ARHGAP15: variants seen among roughly 807,000 people sequenced by gnomAD.
The protein encoded by ARHGAP15 is Rho GTPase activating protein 15, also known as rho GTPase-activating protein 15.
ARHGAP15 carries 51 observed loss-of-function variants against 63.7 expected under a neutral mutation model. That is an observed-to-expected ratio of 0.80 (90% CI 0.64 to 1.01). The LOEUF is 1.01. Ranked by LOEUF, ARHGAP15 falls within the 50% of genes least tolerant of loss-of-function variation. The pLI is 0.00. For missense variants in ARHGAP15, 560 were observed against 564.6 expected (o/e 0.99, Z 0.08); for synonymous variants, 191 against 193.8 (o/e 0.99, Z 0.12).
chr2:143,315,695 A>G (rs1248961846), intron 6 of ARHGAP15, among the ~76,000 whole-genome samples: 1 of 152,116 alleles, frequency 6.6e-6, no homozygotes, highest in East Asian at 1.9e-4. Context: ...ACACCACTAA[A>G]ATCTACTCTC....
At chr2:143,588,578 C>T (rs1206650021) in intron 11 of ARHGAP15, among the ~76,000 whole-genome samples, 1 of 152,116 alleles carries the variant, frequency 6.6e-6, no homozygotes, top group Admixed American at 6.6e-5. Context: ...TAAGAACATG[C>T]AGTGTTTGGT....
At chr2:143,759,833 G>T (rs892688113) in intron 13 of ARHGAP15, among the ~76,000 whole-genome samples, 5 of 151,846 alleles carry the variant, frequency 3.3e-5, no homozygotes, top group Non-Finnish European at 7.4e-5. Context: ...TTACCTGGGG[G>T]CTATTCAAAA....
chr2:143,719,502 C>G (rs1684955862), intron 13 of ARHGAP15, among the ~76,000 whole-genome samples: 1 of 152,188 alleles, frequency 6.6e-6, no homozygotes, highest in Non-Finnish European at 1.5e-5. Context: ...AACAGCACAA[C>G]TCTGCCCTTG....
At chr2:143,675,700 G>A (rs900491817) in intron 12 of ARHGAP15, among the ~76,000 whole-genome samples, 3 of 152,124 alleles carry the variant, frequency 2.0e-5, no homozygotes, top group East Asian at 3.9e-4. Flanking sequence ...ACCATGCTAC[G>A]AACAGATATG....
chr2:143,170,458 A>G (rs1431560752), intron 2 of ARHGAP15, among the ~76,000 whole-genome samples: 1 of 152,134 alleles, frequency 6.6e-6, no homozygotes, highest in Non-Finnish European at 1.5e-5. Context: ...GATTGGACTG[A>G]GATGTGACTT....
chr2:143,151,415 C>T (rs544249320), intron 1 of ARHGAP15, among the ~76,000 whole-genome samples: 1 of 152,100 alleles, frequency 6.6e-6, no homozygotes, highest in East Asian at 1.9e-4. Flanking sequence ...ATAGAGTGGA[C>T]TGATCAATGC....
chr2:143,575,010 A>G (rs917771222), intron 11 of ARHGAP15, among the ~76,000 whole-genome samples: 3 of 152,182 alleles, frequency 2.0e-5, no homozygotes, highest in African/African-American at 7.2e-5. Context: ...ATAGATACAC[A>G]TATTGAGTTT....
intron 6 of ARHGAP15, among the ~76,000 whole-genome samples, chr2:143,300,831 G>T (rs992249880): frequency 6.6e-6 from 1 of 151,950 alleles, no homozygotes; most frequent in East Asian, 1.9e-4. Context: ...GAGGAATTTG[G>T]CACTCTTGGG....
At chr2:143,514,711 C>T (rs1243939401) in intron 9 of ARHGAP15, among the ~76,000 whole-genome samples, 1 of 152,178 alleles carries the variant, frequency 6.6e-6, no homozygotes, top group Non-Finnish European at 1.5e-5. Context: ...GGCCACTCTG[C>T]TTTAAGCTGC....
At chr2:143,369,615 A>G (rs1346430674) in intron 6 of ARHGAP15, among the ~76,000 whole-genome samples, 1 of 152,124 alleles carries the variant, frequency 6.6e-6, no homozygotes, top group Admixed American at 6.6e-5. Context: ...AAAGTTTCCA[A>G]TATAATTGCA....
chr2:143,606,070 A>AAAAAAAC (rs747880404), intron 11 of ARHGAP15, among the ~76,000 whole-genome samples: 1 of 42,184 alleles, frequency 2.4e-5, no homozygotes, highest in African/African-American at 5.8e-5. Flanking sequence ...AAAAAAAAAA[A>AAAAAAAC]GCCATACATC....
intron 13 of ARHGAP15, among the ~76,000 whole-genome samples, chr2:143,731,448 C>CTCA (rs1464625781): frequency 6.6e-6 from 1 of 152,098 alleles, no homozygotes; most frequent in Non-Finnish European, 1.5e-5. Context: ...AATGAATTTT[C>CTCA]TCATCAATTC....
At chr2:143,551,052 T>G (rs2105073485) in intron 10 of ARHGAP15, among the ~76,000 whole-genome samples, 1 of 152,326 alleles carries the variant, frequency 6.6e-6, no homozygotes, top group Non-Finnish European at 1.5e-5. Flanking sequence ...ACGAATGCAC[T>G]AAGCTCTTTA....
rs145130238 is a variant in ARHGAP15, at chr2:143,372,175, C to T, written c.475-63426C>T. Among the ~76,000 whole-genome samples, 283 of 151,274 alleles carry T rather than the reference C, an allele frequency of 1.9e-3. 1 individual carries two copies. The highest frequency in any genetic ancestry group is 3.1e-3 in the Non-Finnish European group (212 of 67,812). On this transcript the variant is annotated intron_variant, in intron 6 of 13. Coordinates refer to ENST00000295095, the MANE Select transcript of ARHGAP15 (RefSeq NM_018460.4). ...GCAACATAGTGAAACCCCATCTCTACGAAAAATAGAGAAAAAAATAGCCAG... is the reference window on the plus strand; with the variant it reads ...GCAACATAGTGAAACCCCATCTCTATGAAAAATAGAGAAAAAAATAGCCAG...
In ARHGAP15 at chr2:143,768,071, A is replaced by G. The variant is rs1158637175; in HGVS notation, c.1327A>G (p.Asn443Asp). ...VFGPTLLRAENETGNMAIHMV... is the reference protein window; with the variant it reads ...VFGPTLLRAEDETGNMAIHMV... ...TGGACCTACCCTTCTGCGAGCTGAAAATGAAACAGGAAACATGGCGATCCA... is the reference window on the plus strand; with the variant it reads ...TGGACCTACCCTTCTGCGAGCTGAAGATGAAACAGGAAACATGGCGATCCA... Residue 443 changes from asparagine (N) to aspartate (D), a missense_variant, in exon 14 of 14, where the codon AAT becomes GAT. By Grantham distance (23) the Asn-to-Asp change is conservative (BLOSUM62 1). Coordinates refer to ENST00000295095, the MANE Select transcript of ARHGAP15 (RefSeq NM_018460.4). The G allele has an allele frequency of 6.2e-7, 1 of 1,613,856 alleles. No homozygotes were observed. The highest frequency in any genetic ancestry group is 8.5e-7 in the Non-Finnish European group (1 of 1,179,800).
At chr2:143,165,944 A>AAAGAAAGAG (rs1690486100) in intron 2 of ARHGAP15, among the ~76,000 whole-genome samples, 1 of 118,098 alleles carries the variant, frequency 8.5e-6, no homozygotes, top group African/African-American at 3.2e-5. Context: ...AAAAGAAAAG[A>AAAGAAAGAG]AGAAAGAAAG....
intron 6 of ARHGAP15, among the ~76,000 whole-genome samples, chr2:143,422,883 G>T (rs150516803): frequency 1.4e-4 from 22 of 152,168 alleles, no homozygotes; most frequent in South Asian, 6.2e-4. Context: ...GCAAGAAGAG[G>T]ATACAGCTAC....
chr2:143,286,654 C>T (rs1405365793), intron 6 of ARHGAP15, among the ~76,000 whole-genome samples: 1 of 152,106 alleles, frequency 6.6e-6, no homozygotes, highest in African/African-American at 2.4e-5. Context: ...AAGAGAATCT[C>T]AGTAACTATA....
intron 12 of ARHGAP15, among the ~76,000 whole-genome samples, chr2:143,660,222 G>A (rs1681685576): frequency 6.6e-6 from 1 of 151,848 alleles, no homozygotes. Flanking sequence ...TTTTTAAATT[G>A]TATCAATACA....
Sources: gnomAD v4.1 joint callset for allele counts (sites outside exome capture counted in the v4.1 genomes callset) on GRCh38, gnomAD v4.1.1 for gene constraint, MANE v1.5 for transcripts, NCBI Gene and HGNC (gene_info 2026-07-23, HGNC 2026-07-21) for gene names.